Variants in PPP2R2C observed in about 807,000 individuals in gnomAD.
PPP2R2C encodes protein phosphatase 2, regulatory subunit B, gamma.
In PPP2R2C, 10 loss-of-function variants were observed where a neutral mutation model predicts 45.3. The observed-to-expected ratio is 0.22, with a 90% CI of 0.14 to 0.37. PPP2R2C has a LOEUF of 0.37. Ranked by LOEUF, PPP2R2C falls within the 10% of genes least tolerant of loss-of-function variation. The pLI is 1.00. For synonymous variants in PPP2R2C, 257 were observed against 245.4 expected (o/e 1.05, Z -0.44); for missense variants, 308 against 619.7 (o/e 0.50, Z 5.34).
intron 1 of PPP2R2C, among the ~76,000 whole-genome samples, chr4:6,428,219 T>A (rs2109404697): frequency 6.6e-6 from 1 of 152,326 alleles, no homozygotes; most frequent in Non-Finnish European, 1.5e-5. Context: ...CCAGAAAGGT[T>A]TCAGGAGAGG....
chr4:6,458,610 G>A lies in PPP2R2C; in HGVS notation c.70+13550C>T, dbSNP rs1236471144. ...TACTTAAACATTCAGATCATAGCAG[G>A]AAGGCAAGGAGGCAGCACAACTACA... On this transcript the variant is annotated intron_variant, in intron 1 of 8. Transcript: ENST00000382599. Among the ~76,000 whole-genome samples, 3 of 152,280 alleles carry A rather than the reference G, an allele frequency of 2.0e-5. No individual in the cohort carries two copies. In the East Asian group the frequency reaches 5.8e-4, roughly 29 times the overall value.
chr4:6,493,164 C>G (rs1722760589), intron 2 of PPP2R2C, among the ~76,000 whole-genome samples: 1 of 152,154 alleles, frequency 6.6e-6, no homozygotes, highest in Non-Finnish European at 1.5e-5. Context: ...ATGAGGCCAA[C>G]CAGGTTCCCC....
chr4:6,520,222 AG>A (rs1217850622), intron 2 of PPP2R2C, among the ~76,000 whole-genome samples: 1 of 152,088 alleles, frequency 6.6e-6, no homozygotes, highest in East Asian at 1.9e-4. Context: ...CCAGGGTGGG[AG>A]ATGTGCAGAG....
At chr4:6,554,919 G>A (rs1325910627) in intron 1 of PPP2R2C, among the ~76,000 whole-genome samples, 1 of 92,840 alleles carries the variant, frequency 1.1e-5, no homozygotes, top group Non-Finnish European at 2.3e-5. Context: ...AGGAAGGAAG[G>A]AAGGAAGGAA....
chr4:6,512,803 A>G (rs888730040), intron 2 of PPP2R2C, among the ~76,000 whole-genome samples: 28 of 151,884 alleles, frequency 1.8e-4, no homozygotes, highest in African/African-American at 6.8e-4. Flanking sequence ...AACAGTGTCC[A>G]GGGTGGCACT....
intron 1 of PPP2R2C, among the ~76,000 whole-genome samples, chr4:6,395,532 G>C (rs566362130): frequency 6.6e-6 from 1 of 152,344 alleles, no homozygotes; most frequent in Admixed American, 6.5e-5. Context: ...CAGTCTGCTA[G>C]AGGGTGACAG....
rs879313233 is a variant in PPP2R2C, at chr4:6,457,374, A to AT, written c.70+14785dup. Among the ~76,000 whole-genome samples, 19 of 151,552 alleles carry AT rather than the reference A, an allele frequency of 1.3e-4. No individual in the cohort carries two copies. The South Asian group carries it at 2.5e-3, about 20-fold the overall frequency. ...AATGTCCATAGGGAATGCACTGGGA[A>AT]TTTTTTTTTCTTTTTGAGACAGGGT... On this transcript the variant is annotated intron_variant, in intron 1 of 8. Coordinates refer to ENST00000382599, the MANE Select transcript of PPP2R2C (RefSeq NM_020416.4).
chr4:6,329,327 G>A lies in PPP2R2C; in HGVS notation c.987C>T (p.Leu329=). Residue 329 remains leucine, a synonymous_variant, in exon 8 of 9, where the codon CTC becomes CTT. Coordinates refer to ENST00000382599, the MANE Select transcript of PPP2R2C (RefSeq NM_020416.4). The surrounding 1 kb of genome is among the most constrained non-coding windows in gnomAD (Gnocchi z 5.8). ...YQVHDYLRSK[L]CSLYENDCIF... ...TGCAGTCGTTCTCGTACAGGGAACA[G>A]AGCTTGCTCCGAAGGTAGTCATGGA... is the stretch of plus-strand genomic sequence containing the variant. The A allele has an allele frequency of 1.2e-6, 2 of 1,614,218 alleles. No individual in the cohort carries two copies. Among genetic ancestry groups the A allele is most frequent in the Non-Finnish European group, 1.7e-6 (2 of 1,180,018 alleles).
intron 2 of PPP2R2C, among the ~76,000 whole-genome samples, chr4:6,484,358 C>G (rs1459518820): frequency 6.6e-6 from 1 of 151,902 alleles, no homozygotes; most frequent in Admixed American, 6.5e-5. Flanking sequence ...ATCTTGACAC[C>G]AGTATCACTT....
intron 1 of PPP2R2C, among the ~76,000 whole-genome samples, chr4:6,414,410 G>A (rs945775236): frequency 2.0e-5 from 3 of 152,268 alleles, no homozygotes; most frequent in Admixed American, 1.3e-4. Flanking sequence ...GGTGGCTCCA[G>A]GGTTCATTGC....
At chr4:6,384,052 G>A (rs1716049546) in intron 1 of PPP2R2C, 4 of 985,510 alleles carry the variant, frequency 4.1e-6, no homozygotes, top group Non-Finnish European at 4.8e-6. Flanking sequence ...AAGCAGCTCT[G>A]TGGGAACACG....
At chr4:6,452,991 A>G (rs1451549796) in intron 1 of PPP2R2C, among the ~76,000 whole-genome samples, 1 of 152,196 alleles carries the variant, frequency 6.6e-6, no homozygotes, top group East Asian at 1.9e-4. Context: ...TTAAAGGGCG[A>G]GGCTGATCAG....
At chr4:6,497,780 G>C (rs148250466) in intron 2 of PPP2R2C, among the ~76,000 whole-genome samples, 145 of 152,328 alleles carry the variant, frequency 9.5e-4, no homozygotes, top group Middle Eastern at 3.4e-3. Flanking sequence ...GGCCCTTCAA[G>C]ATGGCAACAA....
chr4:6,499,592 A>G lies in PPP2R2C; in HGVS notation c.49+35679T>C, dbSNP rs1722981947. Among the ~76,000 whole-genome samples, 2 of 152,142 alleles carry G rather than the reference A, an allele frequency of 1.3e-5. 1 individual carries two copies. Among genetic ancestry groups the G allele is most frequent in the Non-Finnish European group, 2.9e-5 (2 of 68,024 alleles). ...AAAGTGTGCTGACGAAAATGCATCAAGGGCTCAGTTCTGCCTAATGGGTCA... is the reference window on the plus strand; with the variant it reads ...AAAGTGTGCTGACGAAAATGCATCAGGGGCTCAGTTCTGCCTAATGGGTCA... On this transcript the variant is annotated intron_variant, in intron 2 of 9. Coordinates refer to the PPP2R2C transcript ENST00000506140.
rs1189873311 is a variant in PPP2R2C, at chr4:6,330,496, G to A, written c.961-1143C>T. 6.6e-6 allele frequency among the ~76,000 whole-genome samples: 1 copy of A among 152,112 alleles called. No homozygotes were observed. The highest frequency in any genetic ancestry group is 6.5e-5 in the Admixed American group (1 of 15,280). ...CAGGCTGCCCTCCATCATGTGGGGG[G>A]CCTTGTCCAATCAGTCGAAGGCCCT... On this transcript the variant is annotated intron_variant, in intron 7 of 8. Transcript: ENST00000382599. This position sits in a 1 kb window ranked among gnomAD's most constrained non-coding sequence, Gnocchi z 7.0.
rs117892553 is a variant in PPP2R2C at position 6,437,142 on chromosome 4, G to A, written c.70+35018C>T. ...GGACTGTTACTTTGCCACTCTCAGC[G>A]TCATGGTGCACTGTGTCTTGCTTAT... On this transcript the variant is annotated intron_variant, in intron 1 of 8. Transcript: ENST00000382599. 2.2e-4 allele frequency among the ~76,000 whole-genome samples: 33 copies of A among 152,294 alleles called. No homozygotes were observed. The East Asian group carries it at 3.5e-3, about 16-fold the overall frequency.
intron 2 of PPP2R2C, among the ~76,000 whole-genome samples, chr4:6,478,514 C>T (rs1338226191): frequency 1.6e-4 from 4 of 25,616 alleles, no homozygotes; most frequent in Non-Finnish European, 6.6e-4. Context: ...TAATTGAGTA[C>T]AAATAACAGG....
intron 2 of PPP2R2C, among the ~76,000 whole-genome samples, chr4:6,512,173 GTGC>G (rs1577231211): frequency 1.0e-4 from 7 of 68,656 alleles, no homozygotes; most frequent in African/African-American, 1.4e-4. Context: ...GGTGGTGATG[GTGC>G]TGATGGTGGT....
chr4:6,496,785 C>T (rs1324485265), intron 2 of PPP2R2C, among the ~76,000 whole-genome samples: 5 of 151,816 alleles, frequency 3.3e-5, no homozygotes, highest in Admixed American at 3.3e-4. Flanking sequence ...CACTTGAGCC[C>T]GGAAGGTGGA....
Sources: allele counts gnomAD v4.1 joint callset (sites outside exome capture counted in the v4.1 genomes callset), GRCh38; gene constraint gnomAD v4.1.1; non-coding constraint Gnocchi (gnomAD v3.1); transcripts MANE v1.5; gene names NCBI Gene and HGNC (gene_info 2026-07-23, HGNC 2026-07-21).